The following OSBPL7 variants were observed in gnomAD, a reference collection of about 807,000 sequenced individuals.
OSBPL7 encodes oxysterol binding protein like 7.
In OSBPL7, 66 loss-of-function variants were observed where a neutral mutation model predicts 115.8. The ratio of observed to expected loss-of-function variants is 0.57; its 90% CI spans 0.47 to 0.70. The LOEUF is 0.70. OSBPL7 is among the 30% of genes least tolerant of loss of function. The pLI is 0.00. For synonymous variants in OSBPL7, 441 were observed against 439.2 expected (o/e 1.00, Z -0.05); for missense variants, 902 against 1,125.5 (o/e 0.80, Z 2.84).
intron 17 of OSBPL7, 38 bp from the exon 18 acceptor site, chr17:47,810,710 GATAAGGCCAGAGGGTGTTCCCT>G: frequency 6.2e-7 from 1 of 1,612,820 alleles, no homozygotes; most frequent in Non-Finnish European, 8.5e-7. Context: ...GAACAACAGA[GATAAGGCCAGAGGGTGTTCCCT>G]TTGCCCAGGG....
At chr17:47,819,665 T>G in intron 4 of OSBPL7, 64 bp downstream of exon 4, 4 of 1,587,336 alleles carry the variant, frequency 2.5e-6, no homozygotes, top group Non-Finnish European at 3.5e-6. Flanking sequence ...AGATACCCCA[T>G]GCCTGCCCAG....
Position 47,807,948 on chromosome 17 carries a change from AGG to A in OSBPL7, c.*341_*342del. On this transcript the variant is annotated 3_prime_UTR_variant, in exon 23 of 23. Coordinates refer to ENST00000007414, the MANE Select transcript of OSBPL7 (RefSeq NM_145798.3). The stretch of plus-strand genomic sequence containing the variant: ...AGCGTCAAGGAGTCCCCTGTGTCCT[AGG>A]AAGGCACTGAAATAGGGAACAGATC... The A allele has an allele frequency of 3.1e-6, 1 of 323,664 alleles. No individual in the cohort carries two copies. Among genetic ancestry groups the A allele is most frequent in the South Asian group, 3.9e-5 (1 of 25,608 alleles). 20.0% of individuals were successfully genotyped at this position (323,664 alleles called of 1,614,324 possible). A position where few individuals can be genotyped will look rare whatever the true frequency, so the allele number is the denominator to read the frequency against.
At position 47,821,780 on chromosome 17, in the gene OSBPL7, G is replaced by C. The variant is rs1007272295; in HGVS notation, c.-202C>G. 6.6e-6 allele frequency: 1 copy of C among 152,548 alleles called. No individual in the cohort carries two copies. The highest frequency in any genetic ancestry group is 1.9e-4 in the East Asian group (1 of 5,182). The allele number at this position is 152,548 out of a possible 1,614,324, so 9.4% of individuals were successfully genotyped here. A position where few individuals can be genotyped will look rare whatever the true frequency, so the allele number is the denominator to read the frequency against. On this transcript the variant is annotated 5_prime_UTR_variant, in exon 1 of 23. Transcript: ENST00000007414. ...GCGCTGAGCAGTGGCAGCAGCTGCT[G>C]CAGGAACCAGGAAGGAAGGAGATGT...
At position 47,818,584 on chromosome 17, in the gene OSBPL7, C is replaced by T. The variant is rs759180991; in HGVS notation, c.402G>A (p.Val134=). The change falls in exon 6 of 23, where the codon GTG becomes GTA. Residue 134 remains valine, a synonymous_variant. Coordinates refer to ENST00000007414, the MANE Select transcript of OSBPL7 (RefSeq NM_145798.3). ...CTAGGCGGTGGGCACGCAGCTGCGC[C>T]ACCCAGCTCTGGAATAGGTCCTGGG... ...IKSQDLFQSW[V]AQLRAHRLAH... The T allele has an allele frequency of 9.3e-6, 15 of 1,613,142 alleles. No individual in the cohort carries two copies. Among genetic ancestry groups the T allele is most frequent in the Non-Finnish European group, 1.3e-5 (15 of 1,179,778 alleles).
Position 47,808,683 on chromosome 17 carries a change from G to C in OSBPL7, c.2298-23C>G. 1 of 1,613,732 alleles carries C rather than the reference G, an allele frequency of 6.2e-7. No individual in the cohort carries two copies. Among genetic ancestry groups the C allele is most frequent in the Non-Finnish European group, 8.5e-7 (1 of 1,179,776 alleles). On this transcript the variant is annotated intron_variant, in intron 21 of 22. Coordinates refer to ENST00000007414, the MANE Select transcript of OSBPL7 (RefSeq NM_145798.3). This position sits in a 1 kb window ranked among gnomAD's most constrained non-coding sequence, Gnocchi z 6.1. ...TACCTGAGGATCCAGATCAAACTCA[G>C]GGGAACTGCCCATCTGCAGGGGCCC...
At chr17:47,809,902 TTTTCTTTTC>T (rs1347031586) in intron 18 of OSBPL7, among the ~76,000 whole-genome samples, 11 of 136,028 alleles carry the variant, frequency 8.1e-5, no homozygotes, top group African/African-American at 3.1e-4. Flanking sequence ...TTTTCTTTTC[TTTTCTTTTC>T]TTTTTTTTTT....
In OSBPL7 at chr17:47,809,394, C is replaced by T; in HGVS notation, c.1965G>A (p.Gly655=). ...LSGQRWIEHY[G]EVLIRNTQDS... is the part of the protein sequence containing the mutation. ...CCTGTGTGTTTCGGATGAGCACCTC[C>T]CCATAGTGCTCGATCCAGCGCTGAC... is the stretch of plus-strand genomic sequence containing the variant. The change falls in exon 19 of 23, where the codon GGG becomes GGA. Residue 655 remains glycine (G), a synonymous_variant. Transcript: ENST00000007414. 1.9e-6 allele frequency: 3 copies of T among 1,614,176 alleles called. No individual in the cohort carries two copies. The Admixed American group carries it at 5.0e-5, about 27-fold the overall frequency.
chr17:47,816,359 C>T lies in OSBPL7; in HGVS notation c.1023+29G>A, dbSNP rs781684898. On this transcript the variant is annotated intron_variant, in intron 11 of 22. Coordinates refer to ENST00000007414, the MANE Select transcript of OSBPL7 (RefSeq NM_145798.3). This position sits in a 1 kb window ranked among gnomAD's most constrained non-coding sequence, Gnocchi z 5.8. Reference sequence around the variant, plus strand: ...TCCTCAGCTTGAAGCCCTCTCCCCGCACCAGTCACCCTGTCCCCCAGGCCT... The same window carrying T: ...TCCTCAGCTTGAAGCCCTCTCCCCGTACCAGTCACCCTGTCCCCCAGGCCT... The T allele has an allele frequency of 2.0e-6, 3 of 1,489,960 alleles. No homozygotes were observed. The highest frequency in any genetic ancestry group is 2.8e-5 in the African/African-American group (2 of 71,352). The allele number at this position is 1,489,960 out of a possible 1,614,324, so 92.3% of individuals were successfully genotyped here.
In OSBPL7 at chr17:47,810,753, C is replaced by T; in HGVS notation, c.1801+19G>A. 6.2e-7 allele frequency: 1 copy of T among 1,613,980 alleles called. No homozygotes were observed. Among genetic ancestry groups the T allele is most frequent in the Non-Finnish European group, 8.5e-7 (1 of 1,179,912 alleles). ...TCCCTTTGCCCAGGGCCACCCCGGC[C>T]CTGCCCTCTACTCCTCACCTTGCCA... On this transcript the variant is annotated intron_variant, in intron 17 of 22. Coordinates refer to ENST00000007414, the MANE Select transcript of OSBPL7 (RefSeq NM_145798.3).
rs928527880 is a variant in OSBPL7 at position 47,809,621 on chromosome 17, A to G, written c.1881-143T>C. ...AACTCCAGTTCTGCAGTGAAGGATG[A>G]CTTATATTCACAAGGAAGAGTGGCC... On this transcript the variant is annotated intron_variant, in intron 18 of 22. Transcript: ENST00000007414. The G allele has an allele frequency of 1.0e-5, 9 of 892,002 alleles. No individual in the cohort carries two copies. The African/African-American group carries it at 1.5e-4, about 15-fold the overall frequency. 55.3% of individuals were successfully genotyped at this position (892,002 alleles called of 1,614,324 possible).
chr17:47,810,964 T>A, intron 16 of OSBPL7, 129 bp from the exon 17 acceptor site: 1 of 867,676 alleles, frequency 1.2e-6, no homozygotes, highest in Non-Finnish European at 1.8e-6. Flanking sequence ...CCTGTCCCTA[T>A]CACCCTTGGC....
Position 47,813,682 on chromosome 17 carries a change from C to G in OSBPL7, c.1504G>C (p.Glu502Gln). The change falls in exon 15 of 23, where the codon GAG becomes CAG. Residue 502 changes from glutamate (E) to glutamine (Q), a missense_variant. Glu to Gln is a conservative substitution (Grantham distance 29). This residue lies in a region of OSBPL7 where 667 missense variants were observed against 788.7 expected (regional missense o/e 0.85). Coordinates refer to ENST00000007414, the MANE Select transcript of OSBPL7 (RefSeq NM_145798.3). The stretch of plus-strand genomic sequence containing the variant: ...AGCCGCTGCAGAGTGTTGAGCGGCT[C>G]GTTGAGCTGCACAGGCATTGACACC... ...SKVSMPVQLN[E>Q]PLNTLQRLCE... The G allele has an allele frequency of 2.5e-6, 4 of 1,613,352 alleles. No individual in the cohort carries two copies. The highest frequency in any genetic ancestry group is 3.4e-6 in the Non-Finnish European group (4 of 1,180,006).
chr17:47,821,186 C>G (rs1304462234), intron 1 of OSBPL7, among the ~76,000 whole-genome samples: 1 of 152,136 alleles, frequency 6.6e-6, no homozygotes, highest in Non-Finnish European at 1.5e-5. Flanking sequence ...CCTGGCTCCA[C>G]CGGGAGATCA....
intron 6 of OSBPL7, 33 bp downstream of exon 6, chr17:47,818,473 C>T (rs113471118): frequency 1.8e-5 from 28 of 1,587,174 alleles, no homozygotes; most frequent in African/African-American, 1.6e-4. Context: ...TGAATTGCCA[C>T]ATTACCTGCC....
chr17:47,811,322 G>A (rs1202638476), intron 16 of OSBPL7, among the ~76,000 whole-genome samples: 3 of 151,668 alleles, frequency 2.0e-5, no homozygotes, highest in Non-Finnish European at 4.4e-5. Context: ...ACATCCCACA[G>A]CCTGCCTGCC....
At chr17:47,818,722 A>G in intron 5 of OSBPL7, 106 bp from the exon 6 acceptor site, 1 of 1,034,368 alleles carries the variant, frequency 9.7e-7, no homozygotes, top group South Asian at 1.6e-5. Context: ...CTCTTCTTAC[A>G]GAGCCTGGTT....
chr17:47,818,196 G>A (rs2033283726), intron 7 of OSBPL7, 73 bp downstream of exon 7: 9 of 1,311,864 alleles, frequency 6.9e-6, no homozygotes, highest in South Asian at 5.4e-5. Flanking sequence ...CAGGGATGGA[G>A]GTAACATTTT....
At chr17:47,818,862 T>C in intron 5 of OSBPL7, 124 bp downstream of exon 5, 1 of 923,644 alleles carries the variant, frequency 1.1e-6, no homozygotes, top group South Asian at 1.6e-5. Flanking sequence ...GGATGGAAAC[T>C]TACTTTTTGT....
rs2033225093 is a variant in OSBPL7, at chr17:47,816,560, T to C, written c.928+3A>G. ...CCACCAGCCCCTCCCAGCAGGCACT[T>C]ACCCTTCTGGGCCAGGGCCCAGAAG... On this transcript the variant is annotated splice_donor_region_variant and intron_variant, in intron 10 of 22. Coordinates refer to ENST00000007414, the MANE Select transcript of OSBPL7 (RefSeq NM_145798.3). This position sits in a 1 kb window ranked among gnomAD's most constrained non-coding sequence, Gnocchi z 5.8. 3 of 1,609,636 alleles carry C rather than the reference T, an allele frequency of 1.9e-6. No individual in the cohort carries two copies. Among genetic ancestry groups the C allele is most frequent in the Non-Finnish European group, 1.7e-6 (2 of 1,178,006 alleles).
Sources: allele counts gnomAD v4.1 joint callset (sites outside exome capture counted in the v4.1 genomes callset), GRCh38; gene constraint gnomAD v4.1.1; regional missense constraint gnomAD v4.1.1; non-coding constraint Gnocchi (gnomAD v3.1); transcripts MANE v1.5; gene names NCBI Gene and HGNC (gene_info 2026-07-23, HGNC 2026-07-21).